Variants in CT47B1 observed in about 807,000 individuals in gnomAD.
CT47B1 encodes cancer/testis CT47 family, member 13.
In CT47B1, 24 loss-of-function variants were observed where a neutral mutation model predicts 12.8. The observed-to-expected ratio is 1.87, with a 90% confidence interval of 1.36 to 2.63. The LOEUF is 2.63. Ranked by LOEUF, CT47B1 falls within the 30% of genes most tolerant of loss-of-function variation. The pLI is 0.00. For synonymous variants in CT47B1, 228 were observed against 133.3 expected (o/e 1.71, Z -4.89); for missense variants, 523 against 271.3 (o/e 1.93, Z -6.52).
Position 120,874,924 on chromosome X carries a change from C to G in CT47B1, c.747G>C (p.Pro249=). 8.3e-7 allele frequency: 1 copy of G among 1,209,937 alleles called. No homozygotes were observed. Among genetic ancestry groups the G allele is most frequent in the Non-Finnish European group, 1.1e-6 (1 of 894,728 alleles). ...EATEEPAAEE[P]TSEEAVAPEE... Reference sequence around the variant, plus strand: ...CGGGGGCCACGGCCTCCTCTGAGGTCGGTTCCTCTGCGGCCGGTTCCTCTG... The same window carrying G: ...CGGGGGCCACGGCCTCCTCTGAGGTGGGTTCCTCTGCGGCCGGTTCCTCTG... The change falls in exon 1 of 3, where the codon CCG becomes CCC. Residue 249 remains proline, a synonymous_variant. Transcript: ENST00000371311.
Position 120,875,280 on chromosome X carries a change from G to T in CT47B1, c.391C>A (p.Leu131Ile). ...GFVFLYLVHS[L>I]LRRLYHNDHI... Reference sequence around the variant, plus strand: ...TCGTTGTGATAGAGGCGGCGGAGAAGGGAGTGGACCAGGTACAGGAACACG... The same window carrying T: ...TCGTTGTGATAGAGGCGGCGGAGAATGGAGTGGACCAGGTACAGGAACACG... Residue 131 changes from leucine to isoleucine, a missense_variant, in exon 1 of 3, where the codon CTT becomes ATT. Leu to Ile is a conservative substitution (Grantham distance 5). Coordinates refer to ENST00000371311, the MANE Select transcript of CT47B1 (RefSeq NM_001145718.3). 2.5e-6 allele frequency: 3 copies of T among 1,211,524 alleles called. 1 individual carries two copies. Among genetic ancestry groups the T allele is most frequent in the Non-Finnish European group, 3.4e-6 (3 of 894,920 alleles).
In CT47B1 at chrX:120,875,257, G is replaced by A. The variant is rs753044690; in HGVS notation, c.414C>T (p.Asn138=). ...VHSLLRRLYH[N]DHIQIANRHL... ...GACGGTTCGCTATCTGGATGTGGTCGTTGTGATAGAGGCGGCGGAGAAGGG... is the reference window on the plus strand; with the variant it reads ...GACGGTTCGCTATCTGGATGTGGTCATTGTGATAGAGGCGGCGGAGAAGGG... The change falls in exon 1 of 3, where the codon AAC becomes AAT. Residue 138 remains asparagine (N), a synonymous_variant. Coordinates refer to ENST00000371311, the MANE Select transcript of CT47B1 (RefSeq NM_001145718.3). 4.9e-5 allele frequency: 59 copies of A among 1,210,349 alleles called. No homozygotes were observed. In the South Asian group the frequency reaches 9.0e-4, roughly 18 times the overall value.
Position 120,875,016 on chromosome X carries a change from C to T in CT47B1, c.655G>A (p.Ala219Thr), listed in dbSNP as rs749636043. 150 of 1,208,861 alleles carry T rather than the reference C, an allele frequency of 1.2e-4. No individual in the cohort carries two copies. The highest frequency in any genetic ancestry group is 1.9e-4 in the African/African-American group (11 of 57,438). Residue 219 changes from alanine to threonine, a missense_variant, in exon 1 of 3, where the codon GCG becomes ACG. Transcript: ENST00000371311. Reference sequence around the variant, plus strand: ...GGTTTCTCATCTGCGGCCTCCTCCGCGGGCTCCCTGGCCATCTCGGCCAGG... The same window carrying T: ...GGTTTCTCATCTGCGGCCTCCTCCGTGGGCTCCCTGGCCATCTCGGCCAGG... ...ADLAEMAREP[A>T]EEAADEKPPE...
At chrX:120,874,417 A>AC (rs1412287042) in intron 1 of CT47B1, among the ~76,000 whole-genome samples, 20 of 110,545 alleles carry the variant, frequency 1.8e-4, no homozygotes, top group Non-Finnish European at 3.6e-4. Flanking sequence ...TTGGTTCCTC[A>AC]CCCCCTGAAT....
Position 120,874,943 on chromosome X carries a change from T to C in CT47B1, c.728A>G (p.Glu243Gly). Residue 243 changes from glutamate (E) to glycine (G), a missense_variant, in exon 1 of 3, where the codon GAA (glutamate) becomes GGA (glycine). Coordinates refer to ENST00000371311, the MANE Select transcript of CT47B1 (RefSeq NM_001145718.3). ...EEKLTEEATEEPAAEEPTSEE... is the reference protein window; with the variant it reads ...EEKLTEEATEGPAAEEPTSEE... Reference sequence around the variant, plus strand: ...TGAGGTCGGTTCCTCTGCGGCCGGTTCCTCTGTGGCCTCCTCTGTGAGCTT... The same window carrying C: ...TGAGGTCGGTTCCTCTGCGGCCGGTCCCTCTGTGGCCTCCTCTGTGAGCTT... 8.3e-7 allele frequency: 1 copy of C among 1,199,563 alleles called. No individual in the cohort carries two copies. Among genetic ancestry groups the C allele is most frequent in the Non-Finnish European group, 1.1e-6 (1 of 886,004 alleles).
In CT47B1 at chrX:120,875,497, C is replaced by G. The variant is rs775562436; in HGVS notation, c.174G>C (p.Val58=). The G allele has an allele frequency of 5.8e-6, 7 of 1,200,875 alleles. No individual in the cohort carries two copies. Among genetic ancestry groups the G allele is most frequent in the Non-Finnish European group, 7.8e-6 (7 of 894,196 alleles). ...CACCCTCCTCCTCCCCGAGGCCTTCCACGGGCCCTGCGACTCCGACCACCT... is the reference window on the plus strand; with the variant it reads ...CACCCTCCTCCTCCCCGAGGCCTTCGACGGGCCCTGCGACTCCGACCACCT... ...AAEVVGVAGP[V]EGLGEEEGEQ... Residue 58 remains valine, a synonymous_variant, in exon 1 of 3, where the codon GTG becomes GTC. Coordinates refer to ENST00000371311, the MANE Select transcript of CT47B1 (RefSeq NM_001145718.3).
Position 120,875,683 on chromosome X carries a change from GCCT to G in CT47B1, c.-16_-14del, listed in dbSNP as rs1923985492. On this transcript the variant is annotated 5_prime_UTR_variant, in exon 1 of 3. Coordinates refer to ENST00000371311, the MANE Select transcript of CT47B1 (RefSeq NM_001145718.3). ...CTGTGGCAGACATGACACCAGCAGC[GCCT>G]CAACTGGGGTGGCGAGCGGGCTGAG... 1 of 784,002 alleles carries G rather than the reference GCCT, an allele frequency of 1.3e-6. No individual in the cohort carries two copies. The highest frequency in any genetic ancestry group is 2.6e-5 in the African/African-American group (1 of 37,807). The allele number at this position is 784,002 out of a possible 1,213,427, so 64.6% of individuals were successfully genotyped here. A position where few individuals can be genotyped will look rare whatever the true frequency, so the allele number is the denominator to read the frequency against.
chrX:120,874,736 A>T (rs1280754331), intron 1 of CT47B1, among the ~76,000 whole-genome samples, 160 bp downstream of exon 1: 1 of 111,119 alleles, frequency 9.0e-6, no homozygotes, highest in Non-Finnish European at 1.9e-5. Flanking sequence ...GGACACATTC[A>T]GCCTTAAGTT....
chrX:120,874,787 G>C, intron 1 of CT47B1, 109 bp downstream of exon 1: 1 of 1,105,735 alleles, frequency 9.0e-7, no homozygotes, highest in East Asian at 3.0e-5. Flanking sequence ...CCGAGGCCCC[G>C]ACCCCCCTTC....
chrX:120,875,553 G>A lies in CT47B1; in HGVS notation c.118C>T (p.Pro40Ser). Residue 40 changes from proline to serine, a missense_variant, in exon 1 of 3, where the codon CCC becomes TCC. Pro to Ser is a moderately conservative substitution (Grantham distance 74). Transcript: ENST00000371311. ...AGNQEGGDSGPDSSDMVPAAE... is the reference protein window; with the variant it reads ...AGNQEGGDSGSDSSDMVPAAE... ...GCAGGCACCATGTCGCTGCTGTCGG[G>A]GCCGGAGTCGCCGCCCTCCTGGTTA... The A allele has an allele frequency of 2.5e-6, 3 of 1,194,324 alleles. No homozygotes were observed. Among genetic ancestry groups the A allele is most frequent in the South Asian group, 1.8e-5 (1 of 56,621 alleles).
intron 2 of CT47B1, among the ~76,000 whole-genome samples, chrX:120,873,124 C>G (rs1373606819): frequency 2.0e-5 from 2 of 99,692 alleles, no homozygotes; most frequent in African/African-American, 6.8e-5. Flanking sequence ...ACAAATGATA[C>G]TCCCTTACCC....
At position 120,875,629 on chromosome X, in the gene CT47B1, C is replaced by G; in HGVS notation, c.42G>C (p.Gln14His). ...CTCCCTCCTGGCTTACCGGGGCCTC[C>G]TGGTCCCCTTGGGTCGGGTGTCGGT... ...TGDRHPTQGD[Q>H]EAPVSQEGAQ... Residue 14 changes from glutamine to histidine, a missense_variant, in exon 1 of 3, where the codon CAG becomes CAC. Coordinates refer to ENST00000371311, the MANE Select transcript of CT47B1 (RefSeq NM_001145718.3). The G allele has an allele frequency of 1.9e-6, 2 of 1,030,468 alleles. No homozygotes were observed. The highest frequency in any genetic ancestry group is 4.6e-5 in the South Asian group (2 of 43,279). The allele number at this position is 1,030,468 out of a possible 1,213,427, so 84.9% of individuals were successfully genotyped here. A position where few individuals can be genotyped will look rare whatever the true frequency, so the allele number is the denominator to read the frequency against.
In CT47B1 at chrX:120,875,094, C is replaced by A. The variant is rs774450283; in HGVS notation, c.577G>T (p.Ala193Ser). 68 of 1,208,385 alleles carry A rather than the reference C, an allele frequency of 5.6e-5. No individual in the cohort carries two copies. Among genetic ancestry groups the A allele is most frequent in the African/African-American group, 7.0e-5 (4 of 57,289 alleles). Residue 193 changes from alanine to serine, a missense_variant, in exon 1 of 3, where the codon GCT becomes TCT. Coordinates refer to ENST00000371311, the MANE Select transcript of CT47B1 (RefSeq NM_001145718.3). ...GACGCGGCCTCCTGGACCGACGCAG[C>A]CTCCTGGATCAGGCCGAGGCCCTCG... ...EGEGLGLIQE[A>S]ASVQEAASVP... is the part of the protein sequence containing the mutation.
chrX:120,874,801 A>T, intron 1 of CT47B1, 95 bp downstream of exon 1: 1 of 1,135,429 alleles, frequency 8.8e-7, no homozygotes, highest in Middle Eastern at 3.5e-4. Flanking sequence ...CCCCTTCACC[A>T]CCCGCTTCAC....
rs1923974403 is a variant in CT47B1, at chrX:120,875,571, C to T, written c.100G>A (p.Glu34Lys). Residue 34 changes from glutamate (E) to lysine (K), a missense_variant, in exon 1 of 3, where the codon GAG becomes AAG. Physicochemically the swap from Glu to Lys is moderately conservative, Grantham distance 56. Transcript: ENST00000371311. The part of the protein sequence containing the change: ...QAEAAGAGNQ[E>K]GGDSGPDSSD... ...CTGTCGGGGCCGGAGTCGCCGCCCT[C>T]CTGGTTACCAGCTCCGGCCGCCTCG... 2 of 1,192,259 alleles carry T rather than the reference C, an allele frequency of 1.7e-6. No homozygotes were observed. Among genetic ancestry groups the T allele is most frequent in the African/African-American group, 1.8e-5 (1 of 56,622 alleles).
At chrX:120,874,830 A>G (rs1602680930) in intron 1 of CT47B1, 66 bp downstream of exon 1, 9 of 1,180,594 alleles carry the variant, frequency 7.6e-6, no homozygotes, top group Admixed American at 2.3e-5. Context: ...CCCGCACCGC[A>G]GCCCTGCCCA....
In CT47B1 at chrX:120,875,856, G is replaced by C; in HGVS notation, c.-186C>G. On this transcript the variant is annotated 5_prime_UTR_variant, in exon 1 of 3. Transcript: ENST00000371311. ...GACACCCTAAGGTGGGAAGGGCAGG[G>C]AGCGAATCCTAGGAACCTCCCACCA... 3.9e-6 allele frequency: 2 copies of C among 513,152 alleles called. No individual in the cohort carries two copies. Among genetic ancestry groups the C allele is most frequent in the African/African-American group, 1.2e-4 (2 of 17,214 alleles). 42.3% of individuals were successfully genotyped at this position (513,152 alleles called of 1,213,427 possible).
chrX:120,874,563 C>A (rs1035791063), intron 1 of CT47B1, among the ~76,000 whole-genome samples: 3 of 111,131 alleles, frequency 2.7e-5, no homozygotes, highest in African/African-American at 9.8e-5. Context: ...CCTTCTGTTT[C>A]CTGCGGAGCT....
intron 2 of CT47B1, among the ~76,000 whole-genome samples, chrX:120,873,273 G>A (rs1261816779): frequency 9.9e-6 from 1 of 100,980 alleles, no homozygotes; most frequent in Non-Finnish European, 2.2e-5. Flanking sequence ...TATACCTTAA[G>A]ACTTCATTAC....
Sources: gnomAD v4.1 joint callset for allele counts (sites outside exome capture counted in the v4.1 genomes callset) on GRCh38, gnomAD v4.1.1 for gene constraint, MANE v1.5 for transcripts, NCBI Gene and HGNC (gene_info 2026-07-23, HGNC 2026-07-21) for gene names.